Variants in SLC5A10 observed in about 807,000 individuals in gnomAD.
SLC5A10 encodes solute carrier family 5 member 10.
SLC5A10 carries 55 observed loss-of-function variants against 68.9 expected under a neutral mutation model. That is an observed-to-expected ratio of 0.80 (90% confidence interval 0.64 to 1.00). SLC5A10 has a LOEUF of 1.00. Ranked by LOEUF, SLC5A10 falls within the 50% of genes least tolerant of loss-of-function variation. The pLI is 0.00. For synonymous variants in SLC5A10, 344 were observed against 344.8 expected (o/e 1.00, Z 0.02); for missense variants, 732 against 819.3 (o/e 0.89, Z 1.30).
chr17:18,980,827 A>G (rs2043112609), intron 9 of SLC5A10, among the ~76,000 whole-genome samples: 1 of 152,156 alleles, frequency 6.6e-6, no homozygotes, highest in African/African-American at 2.4e-5. Flanking sequence ...GGTCTGACTC[A>G]GGAGGCCTGA....
intron 9 of SLC5A10, chr17:18,979,216 C>G: frequency 2.1e-6 from 1 of 469,500 alleles, no homozygotes; most frequent in South Asian, 2.5e-5. Flanking sequence ...GCAGCGCCCA[C>G]CCCATGCCCC....
intron 1 of SLC5A10, 198 bp downstream of exon 1, chr17:18,952,514 G>T: frequency 1.7e-6 from 1 of 587,884 alleles, no homozygotes; most frequent in East Asian, 3.2e-5. Context: ...TTGGGTAATG[G>T]CGTCTCCATC....
chr17:18,962,667 G>A (rs2042634317), intron 5 of SLC5A10, among the ~76,000 whole-genome samples: 1 of 152,158 alleles, frequency 6.6e-6, no homozygotes, highest in African/African-American at 2.4e-5. Flanking sequence ...CCGGGGTGGT[G>A]TTTAAGTGGG....
chr17:18,979,404 G>A, intron 9 of SLC5A10: 2 of 943,834 alleles, frequency 2.1e-6, no homozygotes, highest in South Asian at 3.6e-5. Context: ...AGACAGACAG[G>A]CGGGCAGATG....
At chr17:18,953,150 A>G (rs949105182) in intron 1 of SLC5A10, among the ~76,000 whole-genome samples, 4 of 70,384 alleles carry the variant, frequency 5.7e-5, no homozygotes, top group African/African-American at 1.1e-4. Flanking sequence ...TTTTTTTTTT[A>G]ACTGAGACGG....
At chr17:18,972,385 G>A (rs2042877016) in intron 8 of SLC5A10, among the ~76,000 whole-genome samples, 1 of 152,190 alleles carries the variant, frequency 6.6e-6, no homozygotes, top group Non-Finnish European at 1.5e-5. Context: ...TTCCCACGTG[G>A]CCTACCCTGG....
At chr17:19,002,565 G>A (rs1052269589) in intron 9 of SLC5A10, among the ~76,000 whole-genome samples, 1 of 152,232 alleles carries the variant, frequency 6.6e-6, no homozygotes, top group African/African-American at 2.4e-5. Flanking sequence ...CCCACAACCT[G>A]AGGCCCAGAC....
In SLC5A10 at chr17:18,964,949, C is replaced by G. The variant is rs186690421; in HGVS notation, c.454-4103C>G. Among the ~76,000 whole-genome samples the G allele has an allele frequency of 1.3e-3, 193 of 152,216 alleles. 1 individual carries two copies. The highest frequency in any genetic ancestry group is 4.4e-3 in the African/African-American group (182 of 41,520). ...CCTGAGGTCAGGAGTTCGAGACCAG[C>G]CTGGCCAACATGGTTAAACCCTGTT... On this transcript the variant is annotated intron_variant, in intron 5 of 14. Transcript: ENST00000395645.
intron 9 of SLC5A10, chr17:18,977,400 T>C (rs1031074893): frequency 3.2e-6 from 2 of 632,628 alleles, no homozygotes; most frequent in Non-Finnish European, 5.4e-6. Flanking sequence ...GCATTAATGA[T>C]GGCCTTCCAT....
Position 18,966,492 on chromosome 17 carries a change from G to A in SLC5A10, c.454-2560G>A, listed in dbSNP as rs574173215. 1.5e-3 allele frequency among the ~76,000 whole-genome samples: 222 copies of A among 152,250 alleles called. 3 individuals carry two copies. Among genetic ancestry groups the A allele is most frequent in the Non-Finnish European group, 8.1e-4 (55 of 68,016 alleles). ...TTGGAATAGACTCTGGGCCGGGTGC[G>A]GTGGCTCACGCCTGTAATCCCAACA... On this transcript the variant is annotated intron_variant, in intron 5 of 14. Transcript: ENST00000395645.
chr17:18,963,236 T>C lies in SLC5A10; in HGVS notation c.453+2584T>C, dbSNP rs550600510. Among the ~76,000 whole-genome samples the C allele has an allele frequency of 1.6e-3, 247 of 152,276 alleles. 1 individual carries two copies. The highest frequency in any genetic ancestry group is 5.5e-3 in the African/African-American group (227 of 41,564). ...AGTGGGAGGACCTTAGAAACAATCT[T>C]GTCCAGCTCTCCGAGTTTACAGATG... is the stretch of plus-strand genomic sequence containing the variant. On this transcript the variant is annotated intron_variant, in intron 5 of 14. Coordinates refer to ENST00000395645, the MANE Select transcript of SLC5A10 (RefSeq NM_001042450.4).
At chr17:18,979,460 C>T (rs1033121559) in intron 9 of SLC5A10, 57 of 1,501,220 alleles carry the variant, frequency 3.8e-5, no homozygotes, top group Middle Eastern at 3.8e-4. Flanking sequence ...ACCAATGAAC[C>T]GGAATAACCA....
In SLC5A10 at chr17:19,003,533, C is replaced by A; in HGVS notation, c.983-9877C>A. On this transcript the variant is annotated intron_variant, in intron 9 of 14. Coordinates refer to ENST00000395645, the MANE Select transcript of SLC5A10 (RefSeq NM_001042450.4). This position sits in a 1 kb window ranked among gnomAD's most constrained non-coding sequence, Gnocchi z 4.5. ...GCGCTGCCTCACCTTCTGTGCCTGG[C>A]TGATCATCTTCCGCACCACCTCTTT... is the stretch of plus-strand genomic sequence containing the variant. The A allele has an allele frequency of 2.0e-6, 3 of 1,538,240 alleles. No homozygotes were observed. Among genetic ancestry groups the A allele is most frequent in the South Asian group, 1.3e-5 (1 of 79,048 alleles).
chr17:19,019,897 G>A lies in SLC5A10; in HGVS notation c.1595G>A (p.Ser532Asn). ...ALSGAVVVAG[S>N]LLTPPPQSVQ... ...AGTGGTGCTGTTGTGGTGGCTGGAA[G>A]CCTGCTGACCCCACCCCCACAGAGT... is the stretch of plus-strand genomic sequence containing the variant. Residue 532 changes from serine to asparagine, a missense_variant, in exon 13 of 15, where the codon AGC (serine) becomes AAC (asparagine). Transcript: ENST00000395645. The A allele has an allele frequency of 6.2e-7, 1 of 1,610,480 alleles. No homozygotes were observed.
intron 9 of SLC5A10, among the ~76,000 whole-genome samples, chr17:18,984,503 G>T (rs981091863): frequency 4.6e-5 from 7 of 152,214 alleles, no homozygotes; most frequent in Non-Finnish European, 1.0e-4. Context: ...GAGCGGCAGC[G>T]ATCCTCACTT....
intron 5 of SLC5A10, among the ~76,000 whole-genome samples, chr17:18,961,846 G>A (rs1019890223): frequency 2.6e-5 from 4 of 152,310 alleles, no homozygotes; most frequent in Non-Finnish European, 2.9e-5. Flanking sequence ...CTGCACTGGT[G>A]TTGCTAGGTG....
At chr17:18,978,193 G>A (rs1167296822) in intron 9 of SLC5A10, 9 of 1,551,820 alleles carry the variant, frequency 5.8e-6, no homozygotes, top group African/African-American at 2.7e-5. Context: ...GGGGGAGGCC[G>A]TTCTCAGCTG....
chr17:18,957,591 G>C (rs564108357), intron 1 of SLC5A10, among the ~76,000 whole-genome samples: 1 of 152,122 alleles, frequency 6.6e-6, no homozygotes, highest in South Asian at 2.1e-4. Flanking sequence ...TCAGCCTCCC[G>C]AGTAGCTGGG....
At chr17:18,987,911 T>C (rs188075464) in intron 9 of SLC5A10, among the ~76,000 whole-genome samples, 1 of 152,340 alleles carries the variant, frequency 6.6e-6, no homozygotes, top group Admixed American at 6.5e-5. Flanking sequence ...GTGAGCACAC[T>C]ATCACCAGAG....
Sources: gnomAD v4.1 joint callset for allele counts (sites outside exome capture counted in the v4.1 genomes callset) on GRCh38, gnomAD v4.1.1 for gene constraint, Gnocchi (gnomAD v3.1) non-coding constraint, MANE v1.5 for transcripts, NCBI Gene and HGNC (gene_info 2026-07-23, HGNC 2026-07-21) for gene names.